The following ICA1 variants were observed in gnomAD, a reference collection of about 807,000 sequenced individuals.
ICA1 encodes the protein islet cell autoantigen 1.
Under a neutral mutation model 71.0 loss-of-function variants are expected in ICA1, and 40 were observed. The ratio of observed to expected loss-of-function variants is 0.56; its 90% CI spans 0.44 to 0.73. The LOEUF is 0.73. Ranked by LOEUF, ICA1 falls within the 30% of genes least tolerant of loss-of-function variation. The probability of loss-of-function intolerance (pLI) is 0.00; values close to 1 mark genes in which losing one functional copy is unlikely to be tolerated. For synonymous variants in ICA1, 207 were observed against 209.5 expected (o/e 0.99, Z 0.10); for missense variants, 578 against 576.5 (o/e 1.00, Z -0.03).
chr7:8,204,242 C>G (rs1790731454), intron 6 of ICA1, among the ~76,000 whole-genome samples: 2 of 152,156 alleles, frequency 1.3e-5, no homozygotes, highest in Admixed American at 6.5e-5. Context: ...TAATATCACA[C>G]AAGGATCTGT....
At chr7:8,167,548 C>CA (rs1419708144) in intron 6 of ICA1, among the ~76,000 whole-genome samples, 1 of 152,018 alleles carries the variant, frequency 6.6e-6, no homozygotes, top group African/African-American at 2.4e-5. Context: ...TCCTAAGTGA[C>CA]AAAATAATCT....
At chr7:8,197,520 T>A in intron 6 of ICA1, among the ~76,000 whole-genome samples, 1 of 139,966 alleles carries the variant, frequency 7.1e-6, no homozygotes, top group African/African-American at 2.9e-5. Context: ...CACTCCAGCT[T>A]AGGCAATAGA....
intron 6 of ICA1, among the ~76,000 whole-genome samples, chr7:8,159,951 T>C (rs1437406931): frequency 1.3e-5 from 2 of 152,142 alleles, no homozygotes; most frequent in African/African-American, 4.8e-5. Context: ...AGATACTAGA[T>C]AGGTTACTGA....
chr7:8,223,793 G>A lies in ICA1; in HGVS notation c.257-2395C>T, dbSNP rs1421378543. Among the ~76,000 whole-genome samples the A allele has an allele frequency of 6.6e-6, 1 of 152,056 alleles. No homozygotes were observed. The highest frequency in any genetic ancestry group is 1.9e-4 in the East Asian group (1 of 5,206). ...CAAGAAGAAAGCAAAAACAAAAAAA[G>A]ATAACTCAAAATGTTCTATTAATAA... is the stretch of plus-strand genomic sequence containing the variant. On this transcript the variant is annotated intron_variant, in intron 4 of 13. Transcript: ENST00000402384. This position sits in a 1 kb window ranked among gnomAD's most constrained non-coding sequence, Gnocchi z 4.1.
chr7:8,217,887 G>T (rs1261440106), intron 6 of ICA1, among the ~76,000 whole-genome samples: 1 of 152,090 alleles, frequency 6.6e-6, no homozygotes, highest in African/African-American at 2.4e-5. Context: ...TGAACATATC[G>T]CAAAACAAAG....
intron 6 of ICA1, among the ~76,000 whole-genome samples, chr7:8,215,162 C>T (rs1439959204): frequency 6.6e-6 from 1 of 152,194 alleles, no homozygotes; most frequent in Non-Finnish European, 1.5e-5. Context: ...TACTCCGTCC[C>T]CTTAGAGCGG....
At chr7:8,201,925 C>A (rs1789846272) in intron 6 of ICA1, among the ~76,000 whole-genome samples, 1 of 152,160 alleles carries the variant, frequency 6.6e-6, no homozygotes, top group Non-Finnish European at 1.5e-5. Context: ...ACTCACCATG[C>A]AAGCCCAGAT....
At chr7:8,137,906 C>G (rs1793959418) in intron 12 of ICA1, among the ~76,000 whole-genome samples, 1 of 152,216 alleles carries the variant, frequency 6.6e-6, no homozygotes, top group Non-Finnish European at 1.5e-5. Flanking sequence ...CCAGACTGAA[C>G]TGAGTTGTCT....
At chr7:8,129,912 T>A (rs924362886) in intron 12 of ICA1, among the ~76,000 whole-genome samples, 1 of 144,238 alleles carries the variant, frequency 6.9e-6, no homozygotes, top group African/African-American at 2.6e-5. Flanking sequence ...GTCCATGTGT[T>A]CTCATTGTTC....
rs560657290 is a variant in ICA1 at position 8,197,498 on chromosome 7, A to C, written c.579+20807T>G. On this transcript the variant is annotated intron_variant, in intron 6 of 13. Transcript: ENST00000402384. The stretch of plus-strand genomic sequence containing the variant: ...AACCCGGGAGGTGGAGGTTGCAGTG[A>C]TCACACCACTGCACTCCAGCTTAGG... 1.5e-4 allele frequency among the ~76,000 whole-genome samples: 22 copies of C among 149,002 alleles called. No individual in the cohort carries two copies. The South Asian group carries it at 4.7e-3, about 32-fold the overall frequency.
rs1003031263 is a variant in ICA1 at position 8,180,359 on chromosome 7, C to T, written c.580-21707G>A. 7.2e-5 allele frequency among the ~76,000 whole-genome samples: 11 copies of T among 152,184 alleles called. No homozygotes were observed. The East Asian group carries it at 7.7e-4, about 11-fold the overall frequency. On this transcript the variant is annotated intron_variant, in intron 6 of 13. Coordinates refer to ENST00000402384, the MANE Select transcript of ICA1 (RefSeq NM_001136020.3). ...ATAGTACTGCAATATAGTAACAGTT[C>T]GTTCTTTTTCATTACTGTATGGTAT...
rs188720330 is a variant in ICA1, at chr7:8,231,159, A to G, written c.183+1431T>C. Reference sequence around the variant, plus strand: ...TTAGGCTGAAACCTGAACTATGAGAAGGGAAGATGTGGGGAAACAGTGTCC... The same window carrying G: ...TTAGGCTGAAACCTGAACTATGAGAGGGGAAGATGTGGGGAAACAGTGTCC... On this transcript the variant is annotated intron_variant, in intron 3 of 13. Coordinates refer to ENST00000402384, the MANE Select transcript of ICA1 (RefSeq NM_001136020.3). 1.5e-3 allele frequency among the ~76,000 whole-genome samples: 226 copies of G among 152,252 alleles called. 1 individual carries two copies. The highest frequency in any genetic ancestry group is 5.3e-3 in the African/African-American group (220 of 41,548).
At chr7:8,114,630 C>T (rs1784207979) in intron 13 of ICA1, among the ~76,000 whole-genome samples, 1 of 152,194 alleles carries the variant, frequency 6.6e-6, no homozygotes, top group Non-Finnish European at 1.5e-5. Context: ...GGGGTCAATT[C>T]CCCTCACTCT....
intron 6 of ICA1, among the ~76,000 whole-genome samples, chr7:8,214,920 G>C (rs1794928361): frequency 6.6e-6 from 1 of 152,178 alleles, no homozygotes; most frequent in African/African-American, 2.4e-5. Flanking sequence ...ACAATGAAGA[G>C]CTCAGCAATT....
At position 8,123,451 on chromosome 7, in the gene ICA1, C is replaced by T. The variant is rs1054054637; in HGVS notation, c.1330+4422G>A. 2.0e-5 allele frequency among the ~76,000 whole-genome samples: 3 copies of T among 152,162 alleles called. No individual in the cohort carries two copies. The highest frequency in any genetic ancestry group is 6.5e-5 in the Admixed American group (1 of 15,282). On this transcript the variant is annotated intron_variant, in intron 13 of 13. Coordinates refer to ENST00000402384, the MANE Select transcript of ICA1 (RefSeq NM_001136020.3). The surrounding 1 kb of genome is among the most constrained non-coding windows in gnomAD (Gnocchi z 4.1). ...CTGGGGACGCGGCCCAGAGCTTGCA[C>T]TTCAGTCCTGGTGCCTGTCCCCGAG... is the stretch of plus-strand genomic sequence containing the variant.
intron 6 of ICA1, among the ~76,000 whole-genome samples, chr7:8,209,607 C>T (rs2128370121): frequency 6.6e-6 from 1 of 152,206 alleles, no homozygotes; most frequent in Non-Finnish European, 1.5e-5. Flanking sequence ...AATAATTAAG[C>T]CTATTTATTT....
At chr7:8,238,116 A>C (rs1442130321) in intron 1 of ICA1, among the ~76,000 whole-genome samples, 1 of 152,200 alleles carries the variant, frequency 6.6e-6, no homozygotes, top group African/African-American at 2.4e-5. Context: ...ATGAGGTCTT[A>C]ATGTATCTCT....
intron 6 of ICA1, among the ~76,000 whole-genome samples, chr7:8,213,880 G>A (rs972151570): frequency 6.6e-6 from 1 of 152,038 alleles, no homozygotes; most frequent in Non-Finnish European, 1.5e-5. Flanking sequence ...TGCATGAACA[G>A]TCTCCAAAAC....
At chr7:8,202,333 G>C (rs1284016262) in intron 6 of ICA1, among the ~76,000 whole-genome samples, 1 of 152,146 alleles carries the variant, frequency 6.6e-6, no homozygotes, top group Non-Finnish European at 1.5e-5. Flanking sequence ...ACCTCTCTAA[G>C]CGTCAAAATC....
Sources: allele counts gnomAD v4.1 joint callset (sites outside exome capture counted in the v4.1 genomes callset), GRCh38; gene constraint gnomAD v4.1.1; non-coding constraint Gnocchi (gnomAD v3.1); transcripts MANE v1.5; gene names NCBI Gene and HGNC (gene_info 2026-07-23, HGNC 2026-07-21).